Variants in WWTR1 observed in about 807,000 individuals in gnomAD.
The protein encoded by WWTR1 is WW domain-containing transcription regulator protein 1.
In WWTR1, 13 loss-of-function variants were observed where a neutral mutation model predicts 40.1. The observed-to-expected ratio is 0.32, with a 90% CI of 0.21 to 0.52. The LOEUF (loss-of-function observed/expected upper bound fraction) is 0.52, where lower values mean the gene tolerates loss of function less well. Among genes scored for constraint, WWTR1 ranks in the 20% least tolerant of loss-of-function variants. The pLI is 0.97. For missense variants in WWTR1, 436 were observed against 523.1 expected (o/e 0.83, Z 1.63); for synonymous variants, 230 against 210.1 (o/e 1.09, Z -0.82).
At chr3:149,613,462 C>A (rs1229338843) in intron 2 of WWTR1, among the ~76,000 whole-genome samples, 1 of 152,222 alleles carries the variant, frequency 6.6e-6, no homozygotes, top group Non-Finnish European at 1.5e-5. Context: ...CATTATCTAT[C>A]TGCCCCTGAC....
At chr3:149,629,972 C>T (rs1485210250) in intron 2 of WWTR1, among the ~76,000 whole-genome samples, 6 of 151,990 alleles carry the variant, frequency 3.9e-5, no homozygotes, top group South Asian at 2.1e-4. Flanking sequence ...TCAGCCTCCC[C>T]GGTAGCTGGG....
chr3:149,580,208 T>C (rs1738077611), intron 2 of WWTR1, among the ~76,000 whole-genome samples: 2 of 152,128 alleles, frequency 1.3e-5, no homozygotes, highest in Admixed American at 1.3e-4. Flanking sequence ...AAATGACATA[T>C]ATCTTACTCA....
intron 1 of WWTR1, among the ~76,000 whole-genome samples, chr3:149,693,759 A>G (rs1360652737): frequency 1.3e-5 from 2 of 152,210 alleles, no homozygotes; most frequent in African/African-American, 4.8e-5. Context: ...CAGTCTCTTC[A>G]ACAAATAATG....
At chr3:149,580,757 C>T (rs973460268) in intron 2 of WWTR1, among the ~76,000 whole-genome samples, 1 of 152,150 alleles carries the variant, frequency 6.6e-6, no homozygotes, top group South Asian at 2.1e-4. Context: ...GGATTATAGG[C>T]GTGTGCCACC....
intron 2 of WWTR1, among the ~76,000 whole-genome samples, chr3:149,601,634 T>C (rs770559612): frequency 6.6e-6 from 1 of 152,066 alleles, no homozygotes; most frequent in Non-Finnish European, 1.5e-5. Context: ...AACCCAAAAC[T>C]AATACATCCT....
At chr3:149,616,605 G>A (rs1459701450) in intron 2 of WWTR1, among the ~76,000 whole-genome samples, 1 of 152,038 alleles carries the variant, frequency 6.6e-6, no homozygotes, top group South Asian at 2.1e-4. Context: ...ACCACACCTG[G>A]CTAATTTTGT....
At chr3:149,620,971 A>G (rs1445237679) in intron 2 of WWTR1, among the ~76,000 whole-genome samples, 2 of 152,260 alleles carry the variant, frequency 1.3e-5, no homozygotes, top group African/African-American at 4.8e-5. Context: ...GGAGCATCAT[A>G]AAAGAATCCA....
At chr3:149,663,259 C>T (rs1388486455) in intron 2 of WWTR1, among the ~76,000 whole-genome samples, 2 of 151,394 alleles carry the variant, frequency 1.3e-5, no homozygotes. Context: ...CTCAGGTGAT[C>T]CACCCACCTC....
chr3:149,525,933 G>T (rs1313199341), intron 6 of WWTR1, 80 bp downstream of exon 6: 21 of 805,326 alleles, frequency 2.6e-5, no homozygotes, highest in Middle Eastern at 2.9e-4. Context: ...TAAAATAAAA[G>T]AAAAATAAAA....
chr3:149,531,476 C>T (rs1214786004), intron 4 of WWTR1, among the ~76,000 whole-genome samples: 1 of 152,070 alleles, frequency 6.6e-6, no homozygotes, highest in Admixed American at 6.5e-5. Context: ...ACAGCCCTGG[C>T]CACCCTTTCC....
In WWTR1 at chr3:149,601,820, C is replaced by T. The variant is rs530982320; in HGVS notation, c.432-28820G>A. Among the ~76,000 whole-genome samples the T allele has an allele frequency of 5.9e-4, 89 of 152,086 alleles. 1 individual carries two copies. Among genetic ancestry groups the T allele is most frequent in the African/African-American group, 2.0e-3 (83 of 41,482 alleles). On this transcript the variant is annotated intron_variant, in intron 2 of 6. Coordinates refer to ENST00000360632, the MANE Select transcript of WWTR1 (RefSeq NM_015472.6). The stretch of plus-strand genomic sequence containing the variant: ...AACGTGCAGGTTTAAAACACCCAAC[C>T]GACAATGCTAAAGGCAGTACAGCAA...
At chr3:149,718,885 G>C (rs138435811) in intron 4 of WWTR1, among the ~76,000 whole-genome samples, 1 of 151,906 alleles carries the variant, frequency 6.6e-6, no homozygotes, top group Non-Finnish European at 1.5e-5. Context: ...GAGTGCAGTG[G>C]TATGATCTCG....
intron 2 of WWTR1, among the ~76,000 whole-genome samples, chr3:149,633,034 A>G (rs1711621586): frequency 6.6e-6 from 1 of 152,210 alleles, no homozygotes; most frequent in Non-Finnish European, 1.5e-5. Context: ...AAACTATTGA[A>G]TTACACACTT....
chr3:149,526,363 T>C (rs538092688), intron 5 of WWTR1, among the ~76,000 whole-genome samples: 1 of 152,168 alleles, frequency 6.6e-6, no homozygotes, highest in African/African-American at 2.4e-5. Context: ...AAATAACCAT[T>C]TGAACATTCT....
At chr3:149,574,821 G>T (rs549258207) in intron 2 of WWTR1, among the ~76,000 whole-genome samples, 326 of 151,850 alleles carry the variant, frequency 2.1e-3, no homozygotes, top group Non-Finnish European at 3.5e-3. Flanking sequence ...AAGGCCGGGG[G>T]CGGTGGCTCA....
At chr3:149,595,957 C>T (rs1198141330) in intron 2 of WWTR1, among the ~76,000 whole-genome samples, 3 of 151,882 alleles carry the variant, frequency 2.0e-5, no homozygotes, top group Non-Finnish European at 4.4e-5. Context: ...CGCTTGAACC[C>T]GGGAGGTGGA....
intron 2 of WWTR1, among the ~76,000 whole-genome samples, chr3:149,634,508 T>A (rs1560095564): frequency 6.6e-6 from 1 of 152,216 alleles, no homozygotes; most frequent in Non-Finnish European, 1.5e-5. Flanking sequence ...TATCCTAAGG[T>A]TCTGGGAAGA....
At chr3:149,662,076 C>T (rs1221252989), upstream of WWTR1, among the ~76,000 whole-genome samples, 2 of 152,060 alleles carry the variant, frequency 1.3e-5, no homozygotes, top group African/African-American at 4.8e-5. Flanking sequence ...ATAAAGCACT[C>T]AACAAATATG....
chr3:149,551,205 G>A (rs557456322), intron 3 of WWTR1, among the ~76,000 whole-genome samples: 1 of 144,300 alleles, frequency 6.9e-6, no homozygotes, highest in South Asian at 2.2e-4. Flanking sequence ...TCTGCGGCAG[G>A]AGAATCGTTT....
Sources: allele counts gnomAD v4.1 joint callset (sites outside exome capture counted in the v4.1 genomes callset), GRCh38; gene constraint gnomAD v4.1.1; transcripts MANE v1.5; gene names NCBI Gene and HGNC (gene_info 2026-07-23, HGNC 2026-07-21).